PARD3: variants seen among roughly 807,000 people sequenced by gnomAD.
PARD3 encodes partitioning defective 3 homolog.
Under a neutral mutation model 155.4 loss-of-function variants are expected in PARD3, and 75 were observed. The ratio of observed to expected loss-of-function variants is 0.48; its 90% CI spans 0.40 to 0.58. The LOEUF is 0.58. Ranked by LOEUF, PARD3 falls within the 20% of genes least tolerant of loss-of-function variation. The probability of loss-of-function intolerance (pLI) is 0.00; values close to 1 mark genes in which losing one functional copy is unlikely to be tolerated. For synonymous variants in PARD3, 576 were observed against 610.5 expected, an observed-to-expected ratio of 0.94 and a Z score of 0.83; for missense variants, 1,642 against 1,721.7, an observed-to-expected ratio of 0.95 and a Z score of 0.82.
intron 1 of PARD3, among the ~76,000 whole-genome samples, chr10:34,736,331 T>TAA (rs1564563178): frequency 1.4e-5 from 1 of 71,454 alleles, no homozygotes. Flanking sequence ...CGCCTGGCCC[T>TAA]TTTTTTTTTT....
At chr10:34,535,625 C>G (rs565690777) in intron 2 of PARD3, among the ~76,000 whole-genome samples, 3 of 151,980 alleles carry the variant, frequency 2.0e-5, no homozygotes, top group Non-Finnish European at 4.4e-5. Context: ...CAGGCGTGCA[C>G]CATTACCACC....
chr10:34,713,495 C>T (rs1230682628), intron 1 of PARD3, among the ~76,000 whole-genome samples: 3 of 152,142 alleles, frequency 2.0e-5, no homozygotes, highest in African/African-American at 7.2e-5. Context: ...CGGTGGCTCA[C>T]ACCTGTAATC....
chr10:34,672,995 C>G (rs1564489418), intron 2 of PARD3, among the ~76,000 whole-genome samples: 5 of 152,218 alleles, frequency 3.3e-5, no homozygotes, highest in African/African-American at 9.6e-5. Context: ...ATTCCATCCT[C>G]TCTCTGACCT....
intron 22 of PARD3, among the ~76,000 whole-genome samples, chr10:34,201,038 T>A (rs1951186323): frequency 6.6e-6 from 1 of 152,196 alleles, no homozygotes. Flanking sequence ...CAAATTATCT[T>A]TATAAACTGT....
At chr10:34,348,864 T>C (rs1271095750) in intron 14 of PARD3, among the ~76,000 whole-genome samples, 1 of 152,202 alleles carries the variant, frequency 6.6e-6, no homozygotes, top group East Asian at 1.9e-4. Context: ...TGTATGTCAA[T>C]TTCGATGACA....
chr10:34,280,686 C>T (rs1312692931), intron 21 of PARD3, among the ~76,000 whole-genome samples: 1 of 152,092 alleles, frequency 6.6e-6, no homozygotes, highest in Non-Finnish European at 1.5e-5. Flanking sequence ...AGCTGAACAC[C>T]GCTGAACCAG....
At chr10:34,242,769 A>G (rs1953690252) in intron 22 of PARD3, among the ~76,000 whole-genome samples, 2 of 152,154 alleles carry the variant, frequency 1.3e-5, no homozygotes, top group African/African-American at 4.8e-5. Context: ...CTCTGCCTCT[A>G]CTAAAAATAC....
chr10:34,579,686 T>C (rs1379837784), intron 2 of PARD3, among the ~76,000 whole-genome samples: 5 of 149,144 alleles, frequency 3.4e-5, no homozygotes, highest in Non-Finnish European at 7.4e-5. Flanking sequence ...GTTCAAGCAA[T>C]TCTCCTGCCT....
At chr10:34,621,558 C>T (rs1480917569) in intron 2 of PARD3, among the ~76,000 whole-genome samples, 1 of 152,072 alleles carries the variant, frequency 6.6e-6, no homozygotes, top group Non-Finnish European at 1.5e-5. Flanking sequence ...TTCAAGAACA[C>T]GCCTGGAAAC....
At chr10:34,681,388 G>A (rs551274787) in intron 2 of PARD3, among the ~76,000 whole-genome samples, 3 of 152,064 alleles carry the variant, frequency 2.0e-5, no homozygotes, top group South Asian at 2.1e-4. Flanking sequence ...GAATATTCAA[G>A]ACTGCCTCTT....
intron 19 of PARD3, among the ~76,000 whole-genome samples, chr10:34,319,784 T>C (rs1053261739): frequency 6.6e-6 from 1 of 152,232 alleles, no homozygotes; most frequent in Non-Finnish European, 1.5e-5. Context: ...CTGTGTTCTA[T>C]CTGCTTGTGA....
At chr10:34,645,186 TTTTTATTTTATTTTGATTTA>T (rs145684894) in intron 2 of PARD3, among the ~76,000 whole-genome samples, 10,486 of 115,080 alleles carry the variant, frequency 0.091, 1,240 homozygotes, top group African/African-American at 0.31. Context: ...TTTTATTTTA[TTTTTATTTTATTTTGATTTA>T]TTTTATTTTA....
intron 22 of PARD3, chr10:34,201,915 T>C (rs1409068889): frequency 6.6e-6 from 1 of 152,198 alleles, no homozygotes; most frequent in African/African-American, 2.4e-5. Context: ...CAGTGCACCA[T>C]TGCTCTTGGA....
chr10:34,160,048 A>G (rs1949200682), intron 22 of PARD3, among the ~76,000 whole-genome samples: 1 of 152,246 alleles, frequency 6.6e-6, no homozygotes. Context: ...GAGAAAGTAG[A>G]TAGAATATTA....
At chr10:34,372,578 G>C (rs757544645) in intron 11 of PARD3, 42 bp from the exon 12 acceptor site, 1 of 1,452,758 alleles carries the variant, frequency 6.9e-7, no homozygotes, top group Non-Finnish European at 9.7e-7. Context: ...ACTGACCAAA[G>C]CCATCTTCAA....
intron 2 of PARD3, among the ~76,000 whole-genome samples, chr10:34,535,340 C>A (rs1280729334): frequency 6.6e-6 from 1 of 152,092 alleles, no homozygotes; most frequent in African/African-American, 2.4e-5. Context: ...GCCTGAAAAT[C>A]CCCCATCTAA....
At chr10:34,735,145 C>T (rs1429465225) in intron 1 of PARD3, among the ~76,000 whole-genome samples, 1 of 152,068 alleles carries the variant, frequency 6.6e-6, no homozygotes. Flanking sequence ...AAACGGACAA[C>T]AGAAAATAAT....
chr10:34,665,555 T>C lies in PARD3; in HGVS notation c.222+30763A>G, dbSNP rs111353120. Among the ~76,000 whole-genome samples, 557 of 151,040 alleles carry C rather than the reference T, an allele frequency of 3.7e-3. 1 individual carries two copies. The highest frequency in any genetic ancestry group is 0.013 in the African/African-American group (515 of 41,074). On this transcript the variant is annotated intron_variant, in intron 2 of 24. Transcript: ENST00000374788. ...TTAAAAATTTTTAAAAAAAAGAAAT[T>C]CTGGGCCTGGCACGGTGCTCACACC...
intron 1 of PARD3, among the ~76,000 whole-genome samples, chr10:34,729,541 A>C (rs1446802244): frequency 1.3e-5 from 2 of 151,938 alleles, no homozygotes; most frequent in African/African-American, 4.8e-5. Context: ...AAAAAAAAAA[A>C]AAAAGATAAG....
Sources: gnomAD v4.1 joint callset for allele counts (sites outside exome capture counted in the v4.1 genomes callset) on GRCh38, gnomAD v4.1.1 for gene constraint, MANE v1.5 for transcripts, NCBI Gene and HGNC (gene_info 2026-07-23, HGNC 2026-07-21) for gene names.